The following SH3PXD2A variants were observed in gnomAD, a reference collection of about 807,000 sequenced individuals.
SH3PXD2A encodes SH3 and PX domain-containing protein 2A.
SH3PXD2A carries 32 observed loss-of-function variants against 115.2 expected under a neutral mutation model. The ratio of observed to expected loss-of-function variants is 0.28; its 90% CI spans 0.21 to 0.37. The LOEUF is 0.37. SH3PXD2A is among the 10% of genes least tolerant of loss of function. The pLI is 1.00. For missense variants in SH3PXD2A, 1,328 were observed against 1,498.7 expected (o/e 0.89, Z 1.88); for synonymous variants, 610 against 629.1 (o/e 0.97, Z 0.45).
At chr10:103,773,443 C>CTT (rs545361723) in intron 2 of SH3PXD2A, among the ~76,000 whole-genome samples, 142 of 125,112 alleles carry the variant, frequency 1.1e-3, no homozygotes, top group African/African-American at 3.8e-3. Flanking sequence ...TTCTTTCTTT[C>CTT]TTTTTTTTTT....
chr10:103,836,957 C>T (rs1266017545), intron 1 of SH3PXD2A, among the ~76,000 whole-genome samples: 2 of 152,204 alleles, frequency 1.3e-5, no homozygotes, highest in Non-Finnish European at 2.9e-5. Context: ...CTTACTGATG[C>T]TGCTCCTCCC....
At chr10:103,712,638 G>A (rs1174025651) in intron 5 of SH3PXD2A, among the ~76,000 whole-genome samples, 1 of 152,258 alleles carries the variant, frequency 6.6e-6, no homozygotes, top group Non-Finnish European at 1.5e-5. Context: ...TTTCAGGGAT[G>A]TGGCCCAGCA....
At position 103,665,529 on chromosome 10, in the gene SH3PXD2A, G is replaced by A. The variant is rs771629725; in HGVS notation, c.472+3079C>T. 1.3e-4 allele frequency among the ~76,000 whole-genome samples: 20 copies of A among 152,218 alleles called. No homozygotes were observed. Among genetic ancestry groups the A allele is most frequent in the African/African-American group, 3.9e-4 (16 of 41,444 alleles). On this transcript the variant is annotated intron_variant, in intron 7 of 14. Transcript: ENST00000369774. The surrounding 1 kb of genome is among the most constrained non-coding windows in gnomAD (Gnocchi z 4.0). ...TCCAAAGGCTGTGGGATGGACACAC[G>A]GACACTCTGTCCTTCTGGCTGCCCT...
At chr10:103,788,474 G>A (rs550555786) in intron 2 of SH3PXD2A, among the ~76,000 whole-genome samples, 2 of 152,188 alleles carry the variant, frequency 1.3e-5, no homozygotes, top group South Asian at 4.2e-4. Flanking sequence ...GAGGTCTCTG[G>A]GAGATCTAAA....
intron 1 of SH3PXD2A, among the ~76,000 whole-genome samples, chr10:103,852,883 A>G (rs920747996): frequency 2.2e-4 from 31 of 143,958 alleles, no homozygotes; most frequent in African/African-American, 6.6e-4. Flanking sequence ...GGTACATGCA[A>G]TGAAAAAAAC....
chr10:103,685,028 GCAAAAA>G (rs1414765436), intron 6 of SH3PXD2A, among the ~76,000 whole-genome samples: 2 of 145,968 alleles, frequency 1.4e-5, no homozygotes, highest in African/African-American at 2.5e-5. Flanking sequence ...TCTCAAAAAA[GCAAAAA>G]CAAAAACAAA....
chr10:103,594,843 C>T lies in SH3PXD2A; in HGVS notation c.*6973G>A, dbSNP rs904888463. 6.6e-6 allele frequency: 1 copy of T among 152,218 alleles called. No individual in the cohort carries two copies. Among genetic ancestry groups the T allele is most frequent in the African/African-American group, 2.4e-5 (1 of 41,462 alleles). The allele number at this position is 152,218 out of a possible 1,614,324, so 9.4% of individuals were successfully genotyped here. A position where few individuals can be genotyped will look rare whatever the true frequency, so the allele number is the denominator to read the frequency against. On this transcript the variant is annotated 3_prime_UTR_variant, in exon 15 of 15. Transcript: ENST00000369774. ...GCAGGCTCAGCAAACTGAACCACCA[C>T]AGGTGTCAGAGATACTTGAGAATGA...
At chr10:103,757,390 G>A (rs751670951) in intron 3 of SH3PXD2A, among the ~76,000 whole-genome samples, 3 of 152,210 alleles carry the variant, frequency 2.0e-5, no homozygotes, top group African/African-American at 4.8e-5. Flanking sequence ...GACACAGACT[G>A]ACTGAGACCA....
chr10:103,765,207 A>C (rs1280281852), intron 3 of SH3PXD2A, among the ~76,000 whole-genome samples: 1 of 152,162 alleles, frequency 6.6e-6, no homozygotes, highest in Non-Finnish European at 1.5e-5. Flanking sequence ...CTCCTGAGAC[A>C]AGGGGCTGAG....
At chr10:103,676,856 T>C (rs2037540367) in intron 6 of SH3PXD2A, among the ~76,000 whole-genome samples, 1 of 152,142 alleles carries the variant, frequency 6.6e-6, no homozygotes, top group East Asian at 1.9e-4. Flanking sequence ...CCTCCCTCCC[T>C]GGGGTGGCCT....
intron 2 of SH3PXD2A, among the ~76,000 whole-genome samples, chr10:103,775,722 G>A (rs1052050279): frequency 3.9e-5 from 6 of 152,192 alleles, no homozygotes; most frequent in African/African-American, 1.4e-4. Flanking sequence ...AGCGACTTGA[G>A]GATGACCACA....
At chr10:103,823,020 G>A (rs751214605) in intron 1 of SH3PXD2A, among the ~76,000 whole-genome samples, 14 of 152,174 alleles carry the variant, frequency 9.2e-5, no homozygotes, top group Non-Finnish European at 1.5e-4. Flanking sequence ...TCTTTCAGGA[G>A]GGCCATTTGC....
intron 5 of SH3PXD2A, among the ~76,000 whole-genome samples, chr10:103,719,562 A>T (rs2038152684): frequency 6.6e-6 from 1 of 152,176 alleles, no homozygotes; most frequent in Admixed American, 6.5e-5. Context: ...CTGGGGATAC[A>T]GCTGTGAACA....
At chr10:103,783,744 TC>T (rs1049892898) in intron 2 of SH3PXD2A, among the ~76,000 whole-genome samples, 1 of 152,220 alleles carries the variant, frequency 6.6e-6, no homozygotes, top group Admixed American at 6.5e-5. Flanking sequence ...GCCAAGGACT[TC>T]CCAGTGTTCC....
At position 103,662,319 on chromosome 10, in the gene SH3PXD2A, C is replaced by T. The variant is rs79420890; in HGVS notation, c.473-1205G>A. 1.8e-3 allele frequency among the ~76,000 whole-genome samples: 201 copies of T among 113,516 alleles called. 1 individual carries two copies. The highest frequency in any genetic ancestry group is 6.8e-3 in the African/African-American group (188 of 27,638). 74.5% of individuals were successfully genotyped at this position (113,516 alleles called of 152,430 possible). ...TGCTGCTTAAACCTCTGCACTTCAA[C>T]TCTTCCCATCACCATTATTGGCGGG... On this transcript the variant is annotated intron_variant, in intron 7 of 14. Transcript: ENST00000369774.
rs541644462 is a variant in SH3PXD2A at position 103,776,595 on chromosome 10, G to A, written c.154-9426C>T. Among the ~76,000 whole-genome samples the A allele has an allele frequency of 5.3e-5, 8 of 152,112 alleles. No homozygotes were observed. In the South Asian group the frequency reaches 1.5e-3, roughly 28 times the overall value. On this transcript the variant is annotated intron_variant, in intron 2 of 14. Coordinates refer to ENST00000369774, the MANE Select transcript of SH3PXD2A (RefSeq NM_001394015.1). ...TCCAATATCAAGGTATGGGCAGGTT[G>A]GTTCCCTCTGAGGGCTGTGAGAGAG...
At chr10:103,678,194 A>G (rs2037564805) in intron 6 of SH3PXD2A, 2 of 1,283,270 alleles carry the variant, frequency 1.6e-6, no homozygotes, top group Non-Finnish European at 2.0e-6. Flanking sequence ...GCAGCCTCCC[A>G]TGGTGTTTGC....
In SH3PXD2A at chr10:103,627,030, G is replaced by A. The variant is rs1372326914; in HGVS notation, c.718+59C>T. On this transcript the variant is annotated intron_variant, in intron 9 of 14. Coordinates refer to ENST00000369774, the MANE Select transcript of SH3PXD2A (RefSeq NM_001394015.1). This position sits in a 1 kb window ranked among gnomAD's most constrained non-coding sequence, Gnocchi z 4.4. ...GTTCTGTTGGTTCTAGGGAAAGAGTGAGAGAGCTGCCTCCAGAGGCCGCGT... is the reference window on the plus strand; with the variant it reads ...GTTCTGTTGGTTCTAGGGAAAGAGTAAGAGAGCTGCCTCCAGAGGCCGCGT... 1.7e-4 allele frequency: 158 copies of A among 908,408 alleles called. No homozygotes were observed. Among genetic ancestry groups the A allele is most frequent in the Admixed American group, 3.5e-5 (2 of 57,706 alleles). The allele number at this position is 908,408 out of a possible 1,614,324, so 56.3% of individuals were successfully genotyped here.
In SH3PXD2A at chr10:103,622,498, G is replaced by A. The variant is rs1199931689; in HGVS notation, c.774C>T (p.Gly258=). 1.4e-5 allele frequency: 21 copies of A among 1,550,150 alleles called. No individual in the cohort carries two copies. Among genetic ancestry groups the A allele is most frequent in the Non-Finnish European group, 1.8e-5 (21 of 1,146,770 alleles). The change falls in exon 10 of 15, where the codon GGC becomes GGT. Residue 258 remains glycine (G), a synonymous_variant. Coordinates refer to ENST00000369774, the MANE Select transcript of SH3PXD2A (RefSeq NM_001394015.1). ...LRRLDRRWTL[G]GMVNRQHSRE... The stretch of plus-strand genomic sequence containing the variant: ...GGCTGTGCTGCCTGTTGACCATCCC[G>A]CCCAGGGTCCACCGGCGATCCAGGC...
Sources: allele counts gnomAD v4.1 joint callset (sites outside exome capture counted in the v4.1 genomes callset), GRCh38; gene constraint gnomAD v4.1.1; non-coding constraint Gnocchi (gnomAD v3.1); transcripts MANE v1.5; gene names NCBI Gene and HGNC (gene_info 2026-07-23, HGNC 2026-07-21).